PDE3A: variants seen among roughly 807,000 people sequenced by gnomAD.
PDE3A encodes cGMP-inhibited 3',5'-cyclic phosphodiesterase 3A.
Under a neutral mutation model 98.3 loss-of-function variants are expected in PDE3A, and 43 were observed. That is an observed-to-expected ratio of 0.44 (90% CI 0.34 to 0.56). The LOEUF is 0.56. PDE3A is among the 20% of genes least tolerant of loss of function. The probability of loss-of-function intolerance (pLI) is 0.01; values close to 1 mark genes in which losing one functional copy is unlikely to be tolerated. For synonymous variants in PDE3A, 663 were observed against 567.9 expected (o/e 1.17, Z -2.38); for missense variants, 1,427 against 1,440.7 (o/e 0.99, Z 0.15).
At chr12:20,511,153 G>T (rs938976441) in intron 1 of PDE3A, among the ~76,000 whole-genome samples, 1 of 151,976 alleles carries the variant, frequency 6.6e-6, no homozygotes, top group African/African-American at 2.4e-5. Flanking sequence ...TTAAAAAAAG[G>T]CTTCATGTTG....
chr12:20,626,800 G>T (rs1204646742), intron 5 of PDE3A, among the ~76,000 whole-genome samples: 2 of 152,150 alleles, frequency 1.3e-5, no homozygotes, highest in Non-Finnish European at 2.9e-5. Context: ...GCCTAGCCGA[G>T]TTATGCTTTT....
At chr12:20,580,608 G>A (rs1297411905) in intron 2 of PDE3A, among the ~76,000 whole-genome samples, 1 of 152,124 alleles carries the variant, frequency 6.6e-6, no homozygotes, top group Non-Finnish European at 1.5e-5. Context: ...ATGAACTAGT[G>A]TGCATTTTGA....
intron 15 of PDE3A, among the ~76,000 whole-genome samples, chr12:20,668,562 C>T (rs372925905): frequency 2.4e-4 from 37 of 152,332 alleles, no homozygotes; most frequent in Middle Eastern, 3.4e-3. Context: ...AGCAGCCTAA[C>T]TGGGAGGCAC....
intron 2 of PDE3A, among the ~76,000 whole-genome samples, chr12:20,599,468 G>C (rs538601294): frequency 6.6e-6 from 1 of 152,030 alleles, no homozygotes; most frequent in South Asian, 2.1e-4. Context: ...CCTCAACATT[G>C]CCCACATCAC....
chr12:20,418,024 A>G (rs1475625572), intron 1 of PDE3A, among the ~76,000 whole-genome samples: 4 of 152,024 alleles, frequency 2.6e-5, no homozygotes, highest in African/African-American at 4.8e-5. Context: ...TCCATTCTCC[A>G]TATCACTGAG....
At chr12:20,517,769 T>G (rs941497649) in intron 1 of PDE3A, among the ~76,000 whole-genome samples, 2 of 152,166 alleles carry the variant, frequency 1.3e-5, no homozygotes, top group Non-Finnish European at 2.9e-5. Flanking sequence ...GGGGCCATTT[T>G]CTCTTATCCC....
At chr12:20,452,992 T>G (rs1035610333) in intron 1 of PDE3A, among the ~76,000 whole-genome samples, 16 of 151,876 alleles carry the variant, frequency 1.1e-4, no homozygotes, top group Non-Finnish European at 1.5e-5. Flanking sequence ...ATTTAAAGAG[T>G]TTTTTAGCCT....
Position 20,657,466 on chromosome 12 carries a change from G to A in PDE3A, c.3184+3261G>A, listed in dbSNP as rs887613245. 3.2e-4 allele frequency among the ~76,000 whole-genome samples: 49 copies of A among 152,170 alleles called. 1 individual carries two copies. The highest frequency in any genetic ancestry group is 2.0e-3 in the Admixed American group (30 of 15,260). On this transcript the variant is annotated intron_variant, in intron 15 of 15. Transcript: ENST00000359062. ...ACTTCTGTAGTTTGTAAAACTTGGA[G>A]ATGTCCCAGGAAACAGAATAAAATG...
At chr12:20,387,632 C>A (rs1943836460) in intron 1 of PDE3A, among the ~76,000 whole-genome samples, 1 of 151,962 alleles carries the variant, frequency 6.6e-6, no homozygotes, top group African/African-American at 2.4e-5. Flanking sequence ...CATATTAACT[C>A]AGACTATCTG....
chr12:20,577,710 A>G (rs1942969227), intron 2 of PDE3A, among the ~76,000 whole-genome samples: 1 of 152,156 alleles, frequency 6.6e-6, no homozygotes, highest in Admixed American at 6.5e-5. Context: ...TCTAGCTTGG[A>G]TTACCTCTAC....
In PDE3A at chr12:20,483,724, T is replaced by G. The variant is rs1415432384; in HGVS notation, c.961-72936T>G. Among the ~76,000 whole-genome samples the G allele has an allele frequency of 2.0e-5, 3 of 152,212 alleles. No homozygotes were observed. The East Asian group carries it at 5.8e-4, about 29-fold the overall frequency. On this transcript the variant is annotated intron_variant, in intron 1 of 15. Transcript: ENST00000359062. Reference sequence around the variant, plus strand: ...ATCATCTTCCTGTATAGATTAAAATTCAATCTTTTTTGAACTCAAAGAAAA... The same window carrying G: ...ATCATCTTCCTGTATAGATTAAAATGCAATCTTTTTTGAACTCAAAGAAAA...
chr12:20,570,339 T>C lies in PDE3A; in HGVS notation c.1011+13629T>C, dbSNP rs566519446. Among the ~76,000 whole-genome samples, 460 of 129,090 alleles carry C rather than the reference T, an allele frequency of 3.6e-3. 2 individuals are homozygous for C. Among genetic ancestry groups the C allele is most frequent in the African/African-American group, 0.013 (445 of 33,724 alleles). 84.7% of individuals were successfully genotyped at this position (129,090 alleles called of 152,430 possible). ...AGGAGAATCTCTTGAACCCAGGAGG[T>C]GGAGGTTGCAATGAACCAAGATCAT... On this transcript the variant is annotated intron_variant, in intron 2 of 15. Transcript: ENST00000359062.
intron 1 of PDE3A, among the ~76,000 whole-genome samples, chr12:20,496,559 G>A (rs1017969360): frequency 2.0e-5 from 3 of 149,692 alleles, no homozygotes; most frequent in Non-Finnish European, 4.4e-5. Flanking sequence ...TTCTCTCTCT[G>A]CTACCTCATG....
At chr12:20,407,448 G>T (rs1944252666) in intron 1 of PDE3A, among the ~76,000 whole-genome samples, 1 of 152,200 alleles carries the variant, frequency 6.6e-6, no homozygotes, top group Non-Finnish European at 1.5e-5. Context: ...AGGCAATAAA[G>T]TTAGTCTGAA....
rs1021601745 is a variant in PDE3A at position 20,552,955 on chromosome 12, C to G, written c.961-3705C>G. ...CCGCAGCTATGCCATGCAGGTGAAC[C>G]AGCCTCTGCAGACCGTCCTCAACCA... On this transcript the variant is annotated intron_variant, in intron 1 of 15. Coordinates refer to ENST00000359062, the MANE Select transcript of PDE3A (RefSeq NM_000921.5). The surrounding 1 kb of genome is among the most constrained non-coding windows in gnomAD (Gnocchi z 5.1). 4 of 1,573,408 alleles carry G rather than the reference C, an allele frequency of 2.5e-6. No individual in the cohort carries two copies. The highest frequency in any genetic ancestry group is 1.4e-5 in the African/African-American group (1 of 73,646).
intron 10 of PDE3A, 45 bp from the exon 11 acceptor site, chr12:20,646,445 C>A: frequency 9.4e-7 from 1 of 1,061,084 alleles, no homozygotes; most frequent in Non-Finnish European, 1.5e-6. Flanking sequence ...GTTCTTGGAC[C>A]CCAAAGTTCA....
chr12:20,554,373 TAAA>T (rs71039955), intron 1 of PDE3A, among the ~76,000 whole-genome samples: 1 of 149,320 alleles, frequency 6.7e-6, no homozygotes, highest in South Asian at 2.1e-4. Flanking sequence ...AAAAAAAAAA[TAAA>T]AAAAATAAAA....
At chr12:20,491,080 A>G (rs1945817619) in intron 1 of PDE3A, among the ~76,000 whole-genome samples, 2 of 152,204 alleles carry the variant, frequency 1.3e-5, no homozygotes, top group Non-Finnish European at 2.9e-5. Flanking sequence ...GCCTGACTCA[A>G]AAAAATCCTT....
intron 1 of PDE3A, among the ~76,000 whole-genome samples, chr12:20,490,560 T>G (rs1945809738): frequency 6.6e-6 from 1 of 152,082 alleles, no homozygotes; most frequent in South Asian, 2.1e-4. Context: ...GAGGCTGAGG[T>G]GCAACTTAGA....
Sources: allele counts gnomAD v4.1 joint callset (sites outside exome capture counted in the v4.1 genomes callset), GRCh38; gene constraint gnomAD v4.1.1; non-coding constraint Gnocchi (gnomAD v3.1); transcripts MANE v1.5; gene names NCBI Gene and HGNC (gene_info 2026-07-23, HGNC 2026-07-21).